The following P2RY12 variants were observed in gnomAD, a reference collection of about 807,000 sequenced individuals.
The protein encoded by P2RY12 is purinergic receptor P2Y12.
P2RY12 carries 3 observed loss-of-function variants against 4.5 expected under a neutral mutation model. That is an observed-to-expected ratio of 0.67 (90% CI 0.31 to 1.74). P2RY12 has a LOEUF of 1.74. Among genes scored for constraint, P2RY12 ranks in the 40% most tolerant of loss-of-function variants. The pLI, the probability that P2RY12 is intolerant of heterozygous loss-of-function variation, is 0.09. For synonymous variants in P2RY12, 148 were observed against 154.1 expected (o/e 0.96, Z 0.29); for missense variants, 356 against 407.8 (o/e 0.87, Z 1.09).
intron 1 of P2RY12, among the ~76,000 whole-genome samples, chr3:151,361,880 C>A (rs1254413919): frequency 1.3e-5 from 2 of 152,120 alleles, no homozygotes; most frequent in Non-Finnish European, 2.9e-5. Context: ...TTGCTACCCC[C>A]ACAGGCAGCA....
chr3:151,376,176 G>A, intron 1 of P2RY12: 1 of 1,601,720 alleles, frequency 6.2e-7, no homozygotes, highest in African/African-American at 1.3e-5. Flanking sequence ...TACCGAGGGG[G>A]ACAATCTGCA....
intron 1 of P2RY12, chr3:151,384,132 A>T: frequency 6.2e-7 from 1 of 1,614,076 alleles, no homozygotes; most frequent in Non-Finnish European, 8.5e-7. Context: ...AATCAATGGA[A>T]CGTTAGCCTC....
intron 1 of P2RY12, among the ~76,000 whole-genome samples, chr3:151,350,906 ATTCTT>A (rs1186442439): frequency 6.6e-6 from 1 of 152,148 alleles, no homozygotes; most frequent in African/African-American, 2.4e-5. Flanking sequence ...TTGCCTAATT[ATTCTT>A]TTCAAGGTTT....
intron 1 of P2RY12, chr3:151,377,913 T>C (rs1373202295): frequency 8.4e-7 from 1 of 1,185,106 alleles, no homozygotes; most frequent in African/African-American, 1.5e-5. Flanking sequence ...ACAGTCTGTG[T>C]GTCTCATACA....
At chr3:151,345,496 T>G (rs1009933205) in intron 1 of P2RY12, among the ~76,000 whole-genome samples, 15 of 111,688 alleles carry the variant, frequency 1.3e-4, no homozygotes, top group Non-Finnish European at 1.8e-4. Context: ...GGCTTCTACG[T>G]TTTCTTTCTT....
In P2RY12 at chr3:151,356,165, C is replaced by T. The variant is rs527692841; in HGVS notation, c.-179-15405G>A. ...TTGTAATCCTGGCACTTTGGGAGGC[C>T]GAGGTAGGAGGATTGCTTGAATCTA... On this transcript the variant is annotated intron_variant, in intron 1 of 2. Coordinates refer to ENST00000302632, the MANE Select transcript of P2RY12 (RefSeq NM_022788.5). 192 of 937,784 alleles carry T rather than the reference C, an allele frequency of 2.0e-4. 2 individuals are homozygous for T. In the South Asian group the frequency reaches 3.6e-3, roughly 17 times the overall value. The allele number at this position is 937,784 out of a possible 1,614,324, so 58.1% of individuals were successfully genotyped here.
intron 1 of P2RY12, among the ~76,000 whole-genome samples, chr3:151,369,194 C>G (rs1755868924): frequency 6.6e-6 from 1 of 152,098 alleles, no homozygotes; most frequent in East Asian, 1.9e-4. Flanking sequence ...ATGTGAAGGT[C>G]CTACTAATCT....
intron 1 of P2RY12, chr3:151,383,911 T>A (rs771404946): frequency 6.3e-7 from 1 of 1,590,616 alleles, no homozygotes; most frequent in Non-Finnish European, 8.6e-7. Context: ...CACTTCACAT[T>A]GATTTTGCTA....
chr3:151,336,937 T>C lies in P2RY12; in HGVS notation c.*880A>G, dbSNP rs748592761. 2.6e-5 allele frequency: 4 copies of C among 153,586 alleles called. No individual in the cohort carries two copies. Among genetic ancestry groups the C allele is most frequent in the South Asian group, 2.0e-4 (1 of 5,028 alleles). The allele number at this position is 153,586 out of a possible 1,614,324, so 9.5% of individuals were successfully genotyped here. A position where few individuals can be genotyped will look rare whatever the true frequency, so the allele number is the denominator to read the frequency against. On this transcript the variant is annotated 3_prime_UTR_variant, in exon 3 of 3. Transcript: ENST00000302632. Reference sequence around the variant, plus strand: ...TCAATCACTTTCCTCTCAGTAGTTATGCTGTGCAACTTTGTAATCATATTT... The same window carrying C: ...TCAATCACTTTCCTCTCAGTAGTTACGCTGTGCAACTTTGTAATCATATTT...
intron 1 of P2RY12, among the ~76,000 whole-genome samples, chr3:151,346,600 C>A (rs1752574610): frequency 6.6e-6 from 1 of 152,080 alleles, no homozygotes; most frequent in Non-Finnish European, 1.5e-5. Context: ...CAGTGACACT[C>A]TTTCTTATGT....
chr3:151,355,289 T>G, intron 1 of P2RY12: 3 of 1,358,090 alleles, frequency 2.2e-6, no homozygotes, highest in Non-Finnish European at 3.1e-6. Flanking sequence ...CTAATTTACT[T>G]AAAAATTTTT....
intron 1 of P2RY12, chr3:151,377,255 TTTTC>T (rs1756961836): frequency 1.6e-6 from 2 of 1,216,130 alleles, no homozygotes; most frequent in East Asian, 2.4e-5. Flanking sequence ...GCACAGTGAT[TTTTC>T]TTTAAGTCAT....
At chr3:151,351,405 T>C (rs1158389644) in intron 1 of P2RY12, among the ~76,000 whole-genome samples, 1 of 152,172 alleles carries the variant, frequency 6.6e-6, no homozygotes, top group Non-Finnish European at 1.5e-5. Flanking sequence ...CCTAACTCCC[T>C]TCCATTCCCA....
intron 1 of P2RY12, among the ~76,000 whole-genome samples, chr3:151,374,152 G>A (rs768586054): frequency 2.0e-5 from 3 of 152,090 alleles, no homozygotes; most frequent in Non-Finnish European, 2.9e-5. Context: ...TTAATTCTAT[G>A]ATACATCTGA....
intron 1 of P2RY12, chr3:151,383,907 A>T: frequency 6.3e-7 from 1 of 1,596,372 alleles, no homozygotes; most frequent in Non-Finnish European, 8.6e-7. Context: ...TTATCACTTC[A>T]CATTGATTTT....
intron 1 of P2RY12, among the ~76,000 whole-genome samples, chr3:151,369,200 A>G (rs901365275): frequency 6.6e-6 from 1 of 152,204 alleles, no homozygotes; most frequent in Non-Finnish European, 1.5e-5. Context: ...AGGTCCTACT[A>G]ATCTTGTTGA....
intron 1 of P2RY12, chr3:151,372,800 ACGTAACTCTT>A (rs1483446973): frequency 6.4e-7 from 1 of 1,556,710 alleles, no homozygotes; most frequent in African/African-American, 1.4e-5. Context: ...TACTTTGAGT[ACGTAACTCTT>A]CTTTTGGAGA....
chr3:151,360,185 A>G (rs1024549667), intron 1 of P2RY12, among the ~76,000 whole-genome samples: 1 of 152,136 alleles, frequency 6.6e-6, no homozygotes, highest in Non-Finnish European at 1.5e-5. Flanking sequence ...AGTCCCAGCA[A>G]CTTAATCGGT....
intron 2 of P2RY12, 49 bp downstream of exon 2, chr3:151,340,547 C>G (rs561459975): frequency 6.6e-6 from 1 of 152,666 alleles, no homozygotes; most frequent in South Asian, 2.1e-4. Flanking sequence ...ACACACATAT[C>G]AGAGTGTAAA....
Sources: allele counts gnomAD v4.1 joint callset (sites outside exome capture counted in the v4.1 genomes callset), GRCh38; gene constraint gnomAD v4.1.1; transcripts MANE v1.5; gene names NCBI Gene and HGNC (gene_info 2026-07-23, HGNC 2026-07-21).